Variants in GMPR2 observed in about 807,000 individuals in gnomAD.
GMPR2 encodes GMP reductase 2.
Under a neutral mutation model 38.5 loss-of-function variants are expected in GMPR2, and 32 were observed. The ratio of observed to expected loss-of-function variants is 0.83; its 90% CI spans 0.63 to 1.12. The LOEUF (loss-of-function observed/expected upper bound fraction) is 1.12. GMPR2 is among the 50% of genes most tolerant of loss of function. GMPR2 has a pLI of 0.00. For synonymous variants in GMPR2, 154 were observed against 151.0 expected (o/e 1.02, Z -0.15); for missense variants, 396 against 432.1 (o/e 0.92, Z 0.74).
intron 2 of GMPR2, 25 bp from the exon 3 acceptor site, chr14:24,233,454 G>T: frequency 6.2e-7 from 1 of 1,611,208 alleles, no homozygotes; most frequent in Non-Finnish European, 8.5e-7. Flanking sequence ...TAATGAAATG[G>T]TCAATTTCCT....
At position 24,238,283 on chromosome 14, in the gene GMPR2, G is replaced by GT. The variant is rs2040444336; in HGVS notation, c.735_736insT (p.Ala246CysfsTer5). On this transcript the variant is annotated frameshift_variant, in exon 9 of 10. Coordinates refer to ENST00000399440, the MANE Select transcript of GMPR2 (RefSeq NM_001002002.3). LOFTEE classifies it high-confidence loss of function. ...ACTTCGTGATGCTGGGTGGCATGCTGGCTGGGCACAGTGAGTCAGGTGGTG... is the reference window on the plus strand; with the variant it reads ...ACTTCGTGATGCTGGGTGGCATGCTGTGCTGGGCACAGTGAGTCAGGTGGTG... The GT allele has an allele frequency of 7.4e-6, 12 of 1,613,618 alleles. No homozygotes were observed. The highest frequency in any genetic ancestry group is 1.0e-5 in the Non-Finnish European group (12 of 1,179,812).
intron 5 of GMPR2, among the ~76,000 whole-genome samples, chr14:24,236,759 C>T (rs2040363854): frequency 6.6e-6 from 1 of 152,180 alleles, no homozygotes; most frequent in Non-Finnish European, 1.5e-5. Context: ...TCCTCCATGC[C>T]ACTTCATGTG....
intron 3 of GMPR2, 117 bp downstream of exon 3, chr14:24,233,715 TG>T: frequency 8.5e-7 from 1 of 1,173,170 alleles, no homozygotes; most frequent in East Asian, 2.3e-5. Flanking sequence ...GCAGTCAGGA[TG>T]CTCTGATTTA....
Position 24,238,382 on chromosome 14 carries a change from T to G in GMPR2, c.834T>G (p.Tyr278Ter). Reference protein sequence around the residue: ...GMSSEMAMKKYAGGVAEYRAS... With the variant: ...GMSSEMAMKK ...GTTCTGAAATGGCCATGAAGAAGTA[T>G]GCTGGGGGCGTGGCTGAGTACAGGT... The change falls in exon 9 of 10, where the codon TAT becomes TAG. Residue 278 changes from tyrosine to a stop codon, truncating the protein, a stop_gained. Coordinates refer to ENST00000399440, the MANE Select transcript of GMPR2 (RefSeq NM_001002002.3). LOFTEE classifies it high-confidence loss of function. The G allele has an allele frequency of 6.2e-7, 1 of 1,614,054 alleles. No individual in the cohort carries two copies. Among genetic ancestry groups the G allele is most frequent in the Non-Finnish European group, 8.5e-7 (1 of 1,180,024 alleles).
At position 24,233,325 on chromosome 14, in the gene GMPR2, T is replaced by G; in HGVS notation, c.72T>G (p.Leu24=). 1 of 1,614,110 alleles carries G rather than the reference T, an allele frequency of 6.2e-7. No individual in the cohort carries two copies. Among genetic ancestry groups the G allele is most frequent in the Non-Finnish European group, 8.5e-7 (1 of 1,180,000 alleles). The change falls in exon 2 of 10, where the codon CTT becomes CTG. Residue 24 remains leucine, a synonymous_variant. Transcript: ENST00000399440. ...DVLLRPKRST[L]KSRSEVDLTR... ...TTTTGAGGCCCAAACGCAGTACCCT[T>G]AAGTCTCGAAGTGAGGTGAGCAAGC...
At position 24,238,536 on chromosome 14, in the gene GMPR2, C is replaced by G. The variant is rs758799622; in HGVS notation, c.858-53C>G. 9 of 1,613,924 alleles carry G rather than the reference C, an allele frequency of 5.6e-6. No homozygotes were observed. In the East Asian group the frequency reaches 1.8e-4, roughly 32 times the overall value. ...AATGCTAGGGTCTGTGGAAAAGTCCCTGGGCTTAAGGAATCCAGAAGGAGA... is the reference window on the plus strand; with the variant it reads ...AATGCTAGGGTCTGTGGAAAAGTCCGTGGGCTTAAGGAATCCAGAAGGAGA... On this transcript the variant is annotated intron_variant, in intron 9 of 9. Transcript: ENST00000399440.
chr14:24,233,904 TCA>T (rs2040207457), intron 3 of GMPR2, among the ~76,000 whole-genome samples: 1 of 152,176 alleles, frequency 6.6e-6, no homozygotes, highest in Non-Finnish European at 1.5e-5. Flanking sequence ...GGTCACCCCC[TCA>T]CAGTCACATG....
At chr14:24,238,121 A>T in intron 8 of GMPR2, 125 bp from the exon 9 acceptor site, 1 of 836,486 alleles carries the variant, frequency 1.2e-6, no homozygotes, top group Non-Finnish European at 1.9e-6. Context: ...CAGCTAGGGA[A>T]GCAGAAGGAG....
In GMPR2 at chr14:24,239,232, T is replaced by G; in HGVS notation, c.*454T>G. ...AATACCTCAATAAAGAGAGAGCTCA[T>G]TGACTGTAAAGAGATGCTGGGGCTT... is the stretch of plus-strand genomic sequence containing the variant. On this transcript the variant is annotated 3_prime_UTR_variant, in exon 10 of 10. Transcript: ENST00000399440. 2.8e-6 allele frequency: 1 copy of G among 362,536 alleles called. No individual in the cohort carries two copies. The highest frequency in any genetic ancestry group is 5.4e-6 in the Non-Finnish European group (1 of 186,868). 22.5% of individuals were successfully genotyped at this position (362,536 alleles called of 1,614,324 possible).
intron 3 of GMPR2, 31 bp downstream of exon 3, chr14:24,233,629 G>T: frequency 6.2e-7 from 1 of 1,613,638 alleles, no homozygotes; most frequent in Non-Finnish European, 8.5e-7. Context: ...CATCCCTATT[G>T]GTGTCCAGTT....
At chr14:24,235,580 G>A in intron 3 of GMPR2, 157 bp from the exon 4 acceptor site, 1 of 644,916 alleles carries the variant, frequency 1.6e-6, no homozygotes. Context: ...GTAGAGAGAA[G>A]AAAGGTTGAA....
At position 24,235,990 on chromosome 14, in the gene GMPR2, AGGCTCTTCT is replaced by A; in HGVS notation, c.317_325del (p.Gly106_Ser108del). On this transcript the variant is annotated inframe_deletion, in exon 5 of 10. Coordinates refer to ENST00000399440, the MANE Select transcript of GMPR2 (RefSeq NM_001002002.3). ...AGCATCTGGCTGCCAGCTCAGGCAC[AGGCTCTTCT>A]GACTTTGAGCAGCTGGAACAGATCC... 6.2e-7 allele frequency: 1 copy of A among 1,614,116 alleles called. No individual in the cohort carries two copies. The highest frequency in any genetic ancestry group is 8.5e-7 in the Non-Finnish European group (1 of 1,179,962).
intron 5 of GMPR2, among the ~76,000 whole-genome samples, chr14:24,236,545 C>T (rs1243805111): frequency 6.6e-6 from 1 of 152,192 alleles, no homozygotes; most frequent in Admixed American, 6.5e-5. Context: ...GGTGTGTCTA[C>T]TGATCATCAA....
rs1292144058 is a variant in GMPR2, at chr14:24,237,512, C to T, written c.655-8C>T. ...CATGTTGTATTCATAGTGCTCCTTA[C>T]TTTGCAGGATGGAGGTTGCAGCTGT... is the stretch of plus-strand genomic sequence containing the variant. On this transcript the variant is annotated splice_region_variant and splice_polypyrimidine_tract_variant and intron_variant, in intron 7 of 9. Transcript: ENST00000399440. 6.2e-7 allele frequency: 1 copy of T among 1,613,644 alleles called. No individual in the cohort carries two copies. The highest frequency in any genetic ancestry group is 8.5e-7 in the Non-Finnish European group (1 of 1,179,772).
intron 1 of GMPR2, 117 bp from the exon 2 acceptor site, chr14:24,233,102 G>A: frequency 7.4e-7 from 1 of 1,343,560 alleles, no homozygotes; most frequent in African/African-American, 1.4e-5. Flanking sequence ...CAGGCTTCAG[G>A]GACCACACTT....
chr14:24,238,443 A>G lies in GMPR2; in HGVS notation c.857+38A>G, dbSNP rs757646429. 1.9e-6 allele frequency: 3 copies of G among 1,613,892 alleles called. No individual in the cohort carries two copies. In the African/African-American group the frequency reaches 4.0e-5, roughly 22 times the overall value. On this transcript the variant is annotated intron_variant, in intron 9 of 9. Transcript: ENST00000399440. ...GCCCAGGAGCTTAGTAATAGTATGG[A>G]GGCAGAACTCATGGCTGCTGAGAGG...
At chr14:24,237,041 G>C (rs772069217) in intron 5 of GMPR2, 30 bp from the exon 6 acceptor site, 14 of 1,552,146 alleles carry the variant, frequency 9.0e-6, no homozygotes, top group Non-Finnish European at 1.2e-5. Flanking sequence ...CTGGCCCTAA[G>C]GATGCTGTAT....
chr14:24,238,800 C>A lies in GMPR2; in HGVS notation c.*22C>A. The A allele has an allele frequency of 1.2e-6, 2 of 1,603,178 alleles. No individual in the cohort carries two copies. The highest frequency in any genetic ancestry group is 2.2e-5 in the South Asian group (2 of 90,702). On this transcript the variant is annotated 3_prime_UTR_variant, in exon 10 of 10. Coordinates refer to ENST00000399440, the MANE Select transcript of GMPR2 (RefSeq NM_001002002.3). ...CTAGACCTGAGCAGTTCTACCCTCC[C>A]AAGGCACCAGTACTCTACCATGGGG...
intron 2 of GMPR2, 38 bp downstream of exon 2, chr14:24,233,378 C>G: frequency 6.2e-7 from 1 of 1,611,114 alleles, no homozygotes; most frequent in Non-Finnish European, 8.5e-7. Context: ...CTTGACCCCA[C>G]GCTCCCGGTG....
Sources: gnomAD v4.1 joint callset for allele counts (sites outside exome capture counted in the v4.1 genomes callset) on GRCh38, gnomAD v4.1.1 for gene constraint, MANE v1.5 for transcripts, NCBI Gene and HGNC (gene_info 2026-07-23, HGNC 2026-07-21) for gene names.